CSTPP1: variants seen among roughly 807,000 people sequenced by gnomAD.
CSTPP1 encodes the protein UPF0705 protein C11orf49.
chr11:46,959,252 TTC>T, the CSTPP1 span, among the ~76,000 whole-genome samples: 1 of 151,742 alleles, frequency 6.6e-6, no homozygotes, highest in Non-Finnish European at 1.5e-5. Flanking sequence ...TTCTCCTGAG[TTC>T]TTTTTTTCTA....
At chr11:47,160,819 G>GGA in the CSTPP1 span, 1 of 403,950 alleles carries the variant, frequency 2.5e-6, no homozygotes, top group Non-Finnish European at 4.5e-6. Flanking sequence ...GCCTCAAGAA[G>GGA]GAACTCAACT....
At chr11:46,977,140 T>TC in the CSTPP1 span, among the ~76,000 whole-genome samples, 2 of 152,158 alleles carry the variant, frequency 1.3e-5, no homozygotes, top group Non-Finnish European at 2.9e-5. Flanking sequence ...GCAGCACGTG[T>TC]CCCTGAGTGG....
At chr11:46,959,901 C>G in the CSTPP1 span, among the ~76,000 whole-genome samples, 1 of 136,340 alleles carries the variant, frequency 7.3e-6, no homozygotes, top group Non-Finnish European at 1.5e-5. Context: ...GAGTCTTTCT[C>G]TGTAACCCAG....
the CSTPP1 span, chr11:47,109,219 C>T: frequency 5.3e-5 from 8 of 152,214 alleles, no homozygotes; most frequent in Admixed American, 2.0e-4. Flanking sequence ...AGCCTACTCT[C>T]GTCCACTGTA....
the CSTPP1 span, among the ~76,000 whole-genome samples, chr11:47,037,390 TTA>T: frequency 1.9e-4 from 15 of 79,380 alleles, 1 homozygote; most frequent in African/African-American, 5.7e-4. Flanking sequence ...ATTATTATTA[TTA>T]TTTTTTTTTT....
the CSTPP1 span, among the ~76,000 whole-genome samples, chr11:46,951,669 C>T: frequency 6.6e-6 from 1 of 151,934 alleles, no homozygotes; most frequent in Non-Finnish European, 1.5e-5. Flanking sequence ...TTATATTGTG[C>T]TATAAATGTG....
the CSTPP1 span, among the ~76,000 whole-genome samples, chr11:47,080,098 AAAAC>A: frequency 6.6e-6 from 1 of 151,860 alleles, no homozygotes; most frequent in African/African-American, 2.4e-5. Flanking sequence ...CTCCATCTCA[AAAAC>A]AAACAAACAA....
the CSTPP1 span, among the ~76,000 whole-genome samples, chr11:46,952,866 A>C: frequency 2.0e-5 from 3 of 152,174 alleles, no homozygotes; most frequent in East Asian, 3.8e-4. Context: ...TGGGCGTTGG[A>C]GGTAACTTTG....
chr11:47,062,496 T>C, the CSTPP1 span, among the ~76,000 whole-genome samples: 2 of 152,218 alleles, frequency 1.3e-5, no homozygotes, highest in African/African-American at 4.8e-5. Flanking sequence ...AAATGCTATA[T>C]GCCAGGTACT....
the CSTPP1 span, among the ~76,000 whole-genome samples, chr11:46,964,292 T>C: frequency 6.1e-5 from 9 of 147,648 alleles, no homozygotes; most frequent in African/African-American, 1.8e-4. Flanking sequence ...TCTCTCTCTT[T>C]TTTTTTTTTT....
At chr11:47,058,829 G>A in the CSTPP1 span, among the ~76,000 whole-genome samples, 11 of 152,130 alleles carry the variant, frequency 7.2e-5, no homozygotes, top group South Asian at 2.1e-4. Context: ...TTGCTTCAGC[G>A]TGTTATGCAT....
chr11:46,966,277 G>A, the CSTPP1 span, among the ~76,000 whole-genome samples: 2 of 152,120 alleles, frequency 1.3e-5, no homozygotes, highest in South Asian at 2.1e-4. Flanking sequence ...TCTTGACCTC[G>A]TGATCTGCCT....
At chr11:46,941,666 C>T in the CSTPP1 span, among the ~76,000 whole-genome samples, 4 of 152,108 alleles carry the variant, frequency 2.6e-5, no homozygotes, top group African/African-American at 7.2e-5. Context: ...ATCTAATGAC[C>T]GTTTAAAACC....
the CSTPP1 span, among the ~76,000 whole-genome samples, chr11:46,959,846 A>G: frequency 6.6e-6 from 1 of 150,562 alleles, no homozygotes; most frequent in South Asian, 2.1e-4. Context: ...TAGCACACCA[A>G]TTCAGTGGGG....
the CSTPP1 span, among the ~76,000 whole-genome samples, chr11:47,061,302 G>A: frequency 6.6e-6 from 1 of 152,152 alleles, no homozygotes; most frequent in African/African-American, 2.4e-5. Context: ...CTAGGAATCA[G>A]GGAATTGCAG....
At chr11:46,936,837 A>T in the CSTPP1 span, 1 of 1,599,814 alleles carries the variant, frequency 6.3e-7, no homozygotes, top group South Asian at 1.1e-5. Flanking sequence ...GCCCTACCGG[A>T]CTACGAGTAT....
the CSTPP1 span, among the ~76,000 whole-genome samples, chr11:47,136,875 A>G: frequency 6.6e-6 from 1 of 152,218 alleles, no homozygotes; most frequent in East Asian, 1.9e-4. Context: ...CAGCAACAAA[A>G]TAACTTAAGC....
the CSTPP1 span, among the ~76,000 whole-genome samples, chr11:46,938,353 T>A: frequency 6.7e-6 from 1 of 148,196 alleles, no homozygotes; most frequent in African/African-American, 2.5e-5. Flanking sequence ...TTATTATTAT[T>A]ATATAGATAT....
the CSTPP1 span, among the ~76,000 whole-genome samples, chr11:46,946,370 AGAGCAGGCCGG>A: frequency 6.6e-6 from 1 of 152,230 alleles, no homozygotes; most frequent in African/African-American, 2.4e-5. Context: ...AAATAATAGT[AGAGCAGGCCGG>A]GAGCAGTGGC....
Sources: gnomAD v4.1 joint callset for allele counts (sites outside exome capture counted in the v4.1 genomes callset) on GRCh38, gnomAD v4.1.1 for gene constraint, MANE v1.5 for transcripts, NCBI Gene and HGNC (gene_info 2026-07-23, HGNC 2026-07-21) for gene names.